HNRNPH1: variants seen among roughly 807,000 people sequenced by gnomAD.
HNRNPH1 encodes heterogeneous nuclear ribonucleoprotein H.
In HNRNPH1, 4 loss-of-function variants were observed where a neutral mutation model predicts 58.6. The observed-to-expected ratio is 0.07, with a 90% CI of 0.03 to 0.16. The LOEUF (loss-of-function observed/expected upper bound fraction) is 0.16. Ranked by LOEUF, HNRNPH1 falls within the 10% of genes least tolerant of loss-of-function variation. The pLI is 1.00. For missense variants in HNRNPH1, 271 were observed against 564.2 expected (o/e 0.48, Z 5.26); for synonymous variants, 192 against 189.2 (o/e 1.01, Z -0.12).
At chr5:179,618,213 C>A in exon 5 of HNRNPH1, 2 of 1,614,190 alleles carry the variant, frequency 1.2e-6, no homozygotes, top group Non-Finnish European at 1.7e-6. Flanking sequence ...ATACCCTCTA[C>A]CAGCCCCAGG....
chr5:179,617,775 C>T (rs1215610241), intron 7 of HNRNPH1, 24 bp downstream of exon 8: 1 of 1,611,244 alleles, frequency 6.2e-7, no homozygotes, highest in African/African-American at 1.3e-5. Context: ...GAAATATTGA[C>T]TTGTGAGTTC....
chr5:179,614,686 TG>T, exon 13 of HNRNPH1: 2 of 544,464 alleles, frequency 3.7e-6, no homozygotes, highest in East Asian at 6.0e-5. Flanking sequence ...TCAAAAATAC[TG>T]GGCCTTAAGT....
chr5:179,615,892 C>G, intron 11 of HNRNPH1: 1 of 531,502 alleles, frequency 1.9e-6, no homozygotes, highest in Non-Finnish European at 3.3e-6. Flanking sequence ...GAACACTTCC[C>G]CCTCCCAATG....
At chr5:179,616,521 T>TCCC (rs1241699351) in intron 10 of HNRNPH1, 1 of 516,538 alleles carries the variant, frequency 1.9e-6, no homozygotes, top group African/African-American at 1.9e-5. Flanking sequence ...TTTAGTGGGT[T>TCCC]CCCCCTCAGT....
intron 10 of HNRNPH1, 32 bp from the exon 12 acceptor site, chr5:179,616,250 T>C (rs760589665): frequency 1.0e-5 from 16 of 1,555,314 alleles, no homozygotes; most frequent in Non-Finnish European, 1.4e-5. Context: ...AGAACCTTTT[T>C]TCTTATGTGA....
At chr5:179,615,406 G>C in intron 12 of HNRNPH1, 140 bp downstream of exon 13, 2 of 530,568 alleles carry the variant, frequency 3.8e-6, no homozygotes, top group East Asian at 6.1e-5. Flanking sequence ...AGACAACCAA[G>C]CTGGACTAAA....
At chr5:179,630,914 CAAAA>C (rs1444526489) in intron 2 of HNRNPH1, among the ~76,000 whole-genome samples, 2 of 146,514 alleles carry the variant, frequency 1.4e-5, no homozygotes, top group Non-Finnish European at 3.0e-5. Flanking sequence ...AAAAAAATCT[CAAAA>C]AAGAAACAAA....
rs60636274 is a variant in HNRNPH1 at position 179,632,213 on chromosome 5, C to T, written c.-32+1852G>A. Among the ~76,000 whole-genome samples the T allele has an allele frequency of 5.5e-3, 830 of 151,928 alleles. 11 individuals carry two copies. The highest frequency in any genetic ancestry group is 0.018 in the African/African-American group (759 of 41,466). ...GTCCCAGCTACTTGGGAGGCTGAGGCAGGAGAATGGCGTGAACCCGGGAGG... is the reference window on the plus strand; with the variant it reads ...GTCCCAGCTACTTGGGAGGCTGAGGTAGGAGAATGGCGTGAACCCGGGAGG... On this transcript the variant is annotated intron_variant, in intron 2 of 4. Transcript: ENST00000521116.
At chr5:179,614,877 A>G (rs760776452) in exon 13 of HNRNPH1, 2 of 1,548,430 alleles carry the variant, frequency 1.3e-6, no homozygotes, top group African/African-American at 1.4e-5. Flanking sequence ...TGGACATGCT[A>G]GACAACCCTC....
In HNRNPH1 at chr5:179,623,026, T is replaced by G; in HGVS notation, c.97+11A>C. 1 of 1,469,180 alleles carries G rather than the reference T, an allele frequency of 6.8e-7. No individual in the cohort carries two copies. The highest frequency in any genetic ancestry group is 9.2e-7 in the Non-Finnish European group (1 of 1,087,492). The allele number at this position is 1,469,180 out of a possible 1,614,324, so 91.0% of individuals were successfully genotyped here. On this transcript the variant is annotated intron_variant, in intron 1 of 12. Transcript: ENST00000356731. Reference sequence around the variant, plus strand: ...TCGAACTCGAACTCCCGCGTCCTAGTTCTAACTCACCAGAAAAAAACCTCT... The same window carrying G: ...TCGAACTCGAACTCCCGCGTCCTAGGTCTAACTCACCAGAAAAAAACCTCT...
intron 2 of HNRNPH1, among the ~76,000 whole-genome samples, chr5:179,632,307 C>CA (rs368360110): frequency 1.8e-3 from 241 of 132,846 alleles, no homozygotes; most frequent in South Asian, 1.8e-3. Context: ...GACTCCGTCT[C>CA]AAAAAAAAAA....
chr5:179,621,282 C>G (rs1772191156), exon 2 of HNRNPH1: 2 of 1,613,762 alleles, frequency 1.2e-6, no homozygotes, highest in African/African-American at 1.3e-5. Flanking sequence ...TGTCTTTTTT[C>G]AGGGCCAATT....
At chr5:179,627,650 C>G (rs184765940), upstream of HNRNPH1, among the ~76,000 whole-genome samples, 1 of 152,086 alleles carries the variant, frequency 6.6e-6, no homozygotes, top group African/African-American at 2.4e-5. Flanking sequence ...ATGCCAGGTG[C>G]AATGGCTCAC....
intron 12 of HNRNPH1, 53 bp downstream of exon 13, chr5:179,615,493 C>A (rs752238367): frequency 6.5e-5 from 64 of 979,756 alleles, no homozygotes; most frequent in Non-Finnish European, 9.4e-5. Flanking sequence ...AGCATTATTA[C>A]AACATATCAG....
At chr5:179,619,044 A>G (rs567788264) in intron 4 of HNRNPH1, 36 of 392,550 alleles carry the variant, frequency 9.2e-5, no homozygotes, top group Non-Finnish European at 9.7e-5. Context: ...ATTGGGGTTA[A>G]TAAGACTCAC....
intron 11 of HNRNPH1, 73 bp from the exon 13 acceptor site, chr5:179,615,668 A>C (rs570441675): frequency 1.3e-6 from 1 of 766,068 alleles, no homozygotes; most frequent in African/African-American, 1.8e-5. Context: ...AAAAAAAATA[A>C]ATAAAACCAA....
At chr5:179,615,767 T>A (rs539205798) in intron 11 of HNRNPH1, 172 bp from the exon 13 acceptor site, 2 of 527,966 alleles carry the variant, frequency 3.8e-6, no homozygotes, top group Non-Finnish European at 6.8e-6. Flanking sequence ...ACTGACTTAA[T>A]GCTAACCAAA....
At chr5:179,628,692 C>T (rs1219290271), upstream of HNRNPH1, among the ~76,000 whole-genome samples, 2 of 152,182 alleles carry the variant, frequency 1.3e-5, no homozygotes, top group African/African-American at 4.8e-5. Context: ...GTACTCCTAG[C>T]TCTCTGGGAG....
rs778609998 is a variant in HNRNPH1, at chr5:179,617,789, TCA to T, written c.921+8_921+9del. ...TGAAATATTGACTTGTGAGTTCATC[TCA>T]CACTTACATTATAAATGTCATTCTC... On this transcript the variant is annotated splice_region_variant and intron_variant, in intron 7 of 12. Coordinates refer to ENST00000356731, the Ensembl canonical transcript of HNRNPH1. 8 of 1,613,296 alleles carry T rather than the reference TCA, an allele frequency of 5.0e-6. No individual in the cohort carries two copies. The highest frequency in any genetic ancestry group is 5.9e-6 in the Non-Finnish European group (7 of 1,179,448).
Sources: allele counts gnomAD v4.1 joint callset (sites outside exome capture counted in the v4.1 genomes callset), GRCh38; gene constraint gnomAD v4.1.1; transcripts MANE v1.5; gene names NCBI Gene and HGNC (gene_info 2026-07-23, HGNC 2026-07-21).